ELAPOR1: variants seen among roughly 807,000 people sequenced by gnomAD.
ELAPOR1 encodes the protein endosome/lysosome-associated apoptosis and autophagy regulator 1.
A neutral mutation model predicts 119.7 loss-of-function variants in ELAPOR1; 77 were observed. That is an observed-to-expected ratio of 0.64 (90% CI 0.54 to 0.78). The LOEUF is 0.78. Among genes scored for constraint, ELAPOR1 ranks in the 30% least tolerant of loss-of-function variants. The pLI is 0.00. For synonymous variants in ELAPOR1, 481 were observed against 487.2 expected (o/e 0.99, Z 0.17); for missense variants, 1,115 against 1,270.4 (o/e 0.88, Z 1.86).
At chr1:109,196,170 A>ATAT (rs1316259656) in intron 15 of ELAPOR1, among the ~76,000 whole-genome samples, 3 of 152,168 alleles carry the variant, frequency 2.0e-5, no homozygotes, top group African/African-American at 7.2e-5. Flanking sequence ...AAAAAGTGAC[A>ATAT]ATATAAAGAG....
In ELAPOR1 at chr1:109,204,759, G is replaced by C. The variant is rs1393119047; in HGVS notation, c.*1747G>C. 6.6e-6 allele frequency: 1 copy of C among 152,262 alleles called. No individual in the cohort carries two copies. Among genetic ancestry groups the C allele is most frequent in the Admixed American group, 6.5e-5 (1 of 15,282 alleles). 9.4% of individuals were successfully genotyped at this position (152,262 alleles called of 1,614,324 possible). The stretch of plus-strand genomic sequence containing the variant: ...TCAAACCAGTCTTCAAGGAAGGAAG[G>C]CTAGGAGAGTTTAACAAGATTTTCA... On this transcript the variant is annotated 3_prime_UTR_variant, in exon 22 of 22. Transcript: ENST00000369939.
At position 109,115,617 on chromosome 1, in the gene ELAPOR1, G is replaced by A. The variant is rs572357834; in HGVS notation, c.153+1281G>A. Among the ~76,000 whole-genome samples the A allele has an allele frequency of 3.3e-5, 5 of 152,222 alleles. No homozygotes were observed. The South Asian group carries it at 6.2e-4, about 19-fold the overall frequency. On this transcript the variant is annotated intron_variant, in intron 1 of 21. Coordinates refer to ENST00000369939, the MANE Select transcript of ELAPOR1 (RefSeq NM_020775.5). ...ATAAATTGTTAGTGTGAACTGATTGGCAACAACTCCATCCCATATGGAGAT... is the reference window on the plus strand; with the variant it reads ...ATAAATTGTTAGTGTGAACTGATTGACAACAACTCCATCCCATATGGAGAT...
chr1:109,179,497 G>A (rs1044606355), intron 7 of ELAPOR1, among the ~76,000 whole-genome samples: 1 of 152,116 alleles, frequency 6.6e-6, no homozygotes, highest in Non-Finnish European at 1.5e-5. Flanking sequence ...AGATTAGGTG[G>A]CGAGAAGTTG....
rs915111856 is a variant in ELAPOR1 at position 109,122,327 on chromosome 1, C to G, written c.153+7991C>G. On this transcript the variant is annotated intron_variant, in intron 1 of 21. Transcript: ENST00000369939. ...GTGCTGGGATTACAGGCGTGAGCCA[C>G]TGTGCCCAGCTTCAGATAACCTTTC... 3.4e-5 allele frequency among the ~76,000 whole-genome samples: 5 copies of G among 148,896 alleles called. No individual in the cohort carries two copies. The East Asian group carries it at 9.9e-4, about 29-fold the overall frequency.
intron 21 of ELAPOR1, among the ~76,000 whole-genome samples, chr1:109,201,665 T>C (rs184605838): frequency 4.6e-5 from 7 of 152,282 alleles, no homozygotes; most frequent in Non-Finnish European, 1.0e-4. Flanking sequence ...TTGCTAAGTC[T>C]TGTTTCCTTT....
chr1:109,200,078 G>A lies in ELAPOR1; in HGVS notation c.2648G>A (p.Arg883Gln), dbSNP rs368209139. ...AGIQKTTYVWREPKLCSGGIS... is the reference protein window; with the variant it reads ...AGIQKTTYVWQEPKLCSGGIS... The stretch of plus-strand genomic sequence containing the variant: ...CAACAGAAGACTACTTACGTGTGGC[G>A]AGAACCCAAGCTATGCTCTGGTGGC... The change falls in exon 20 of 22, where the codon CGA becomes CAA. Residue 883 changes from arginine (R) to glutamine (Q), a missense_variant. Arg to Gln is a conservative substitution (Grantham distance 43, BLOSUM62 1). Transcript: ENST00000369939. 1.9e-5 allele frequency: 30 copies of A among 1,614,040 alleles called. No individual in the cohort carries two copies. The highest frequency in any genetic ancestry group is 2.5e-5 in the Non-Finnish European group (30 of 1,180,014).
intron 1 of ELAPOR1, among the ~76,000 whole-genome samples, chr1:109,159,043 G>A (rs200386214): frequency 9.9e-5 from 15 of 151,988 alleles, no homozygotes; most frequent in Middle Eastern, 3.4e-3. Context: ...GATTACAGGC[G>A]CGTGCCACCA....
Position 109,200,807 on chromosome 1 carries a change from C to T in ELAPOR1, c.2880C>T (p.Ser960=), listed in dbSNP as rs371703412. 3.7e-6 allele frequency: 6 copies of T among 1,614,208 alleles called. 1 individual carries two copies. In the Middle Eastern group the frequency reaches 9.9e-4, roughly 266 times the overall value. The change falls in exon 21 of 22, where the codon AGC becomes AGT. Residue 960 remains serine (S), a synonymous_variant. Transcript: ENST00000369939. ...LKDCDLPAAD[S]CAIMEGEDVE... is the part of the protein sequence containing the mutation. ...ACTGTGACCTGCCAGCAGCTGACAG[C>T]TGCGCCATCATGGAAGGCGAGGATG...
rs540701746 is a variant in ELAPOR1 at position 109,165,516 on chromosome 1, G to A, written c.467+825G>A. ...AGGAGAATCGCTTGAACTGGGAAGC[G>A]GAAGTTGCAGTGAGCTGAGATCGCA... On this transcript the variant is annotated intron_variant, in intron 3 of 21. Transcript: ENST00000369939. Among the ~76,000 whole-genome samples the A allele has an allele frequency of 9.2e-5, 14 of 151,528 alleles. No homozygotes were observed. In the East Asian group the frequency reaches 2.5e-3, roughly 27 times the overall value.
chr1:109,135,806 T>C (rs1157752263), intron 1 of ELAPOR1, among the ~76,000 whole-genome samples: 2 of 152,186 alleles, frequency 1.3e-5, no homozygotes, highest in African/African-American at 4.8e-5. Flanking sequence ...TAGAGTTCAT[T>C]GATTCTACAA....
At chr1:109,186,304 G>A (rs987234006) in intron 8 of ELAPOR1, among the ~76,000 whole-genome samples, 7 of 152,172 alleles carry the variant, frequency 4.6e-5, no homozygotes, top group South Asian at 2.1e-4. Flanking sequence ...TGAGGTGCAC[G>A]GAGAAGGATC....
chr1:109,153,681 C>A (rs1650678242), intron 1 of ELAPOR1, among the ~76,000 whole-genome samples: 1 of 151,814 alleles, frequency 6.6e-6, no homozygotes, highest in African/African-American at 2.4e-5. Flanking sequence ...GCTCTGTTGC[C>A]CAGGCTGGAG....
intron 3 of ELAPOR1, among the ~76,000 whole-genome samples, chr1:109,165,784 GC>G (rs1217950731): frequency 7.1e-6 from 1 of 140,424 alleles, no homozygotes; most frequent in Non-Finnish European, 1.5e-5. Context: ...TCACTCTGTC[GC>G]CCAGGCTGGA....
rs200132346 is a variant in ELAPOR1, at chr1:109,188,373, C to T, written c.1219+19C>T. ...GGCTCAGGTAACCTCCTCACCACCC[C>T]ACTCTCTGCAGCACATCGACTGTGT... On this transcript the variant is annotated intron_variant, in intron 9 of 21. Transcript: ENST00000369939. The T allele has an allele frequency of 3.3e-5, 53 of 1,598,414 alleles. No individual in the cohort carries two copies. In the East Asian group the frequency reaches 1.1e-3, roughly 35 times the overall value.
At chr1:109,174,607 A>G (rs1407984069) in intron 7 of ELAPOR1, among the ~76,000 whole-genome samples, 1 of 151,872 alleles carries the variant, frequency 6.6e-6, no homozygotes. Context: ...TAGATGATAC[A>G]TATATAATAA....
chr1:109,118,540 G>A lies in ELAPOR1; in HGVS notation c.153+4204G>A, dbSNP rs542948817. ...CTGAAGATATTACTGAAGTCAAGGA[G>A]GAGGTTAATAAAGGGACTGCACTGG... is the stretch of plus-strand genomic sequence containing the variant. On this transcript the variant is annotated intron_variant, in intron 1 of 21. Transcript: ENST00000369939. Among the ~76,000 whole-genome samples, 3 of 152,280 alleles carry A rather than the reference G, an allele frequency of 2.0e-5. No individual in the cohort carries two copies. The South Asian group carries it at 6.2e-4, about 32-fold the overall frequency.
chr1:109,147,029 C>T (rs991273781), intron 1 of ELAPOR1, among the ~76,000 whole-genome samples: 5 of 151,772 alleles, frequency 3.3e-5, no homozygotes, highest in Admixed American at 6.6e-5. Context: ...CCTCAGCCTC[C>T]GGAATAGCTG....
chr1:109,140,697 T>A (rs1301141748), intron 1 of ELAPOR1, among the ~76,000 whole-genome samples: 1 of 152,180 alleles, frequency 6.6e-6, no homozygotes. Context: ...AGGGCACCGC[T>A]CCTGGCTTGA....
intron 9 of ELAPOR1, 55 bp downstream of exon 9, chr1:109,188,409 T>G: frequency 6.4e-7 from 1 of 1,553,950 alleles, no homozygotes; most frequent in South Asian, 1.2e-5. Flanking sequence ...GGGTGGGCTG[T>G]GTGGGCACTA....
Sources: gnomAD v4.1 joint callset for allele counts (sites outside exome capture counted in the v4.1 genomes callset) on GRCh38, gnomAD v4.1.1 for gene constraint, MANE v1.5 for transcripts, NCBI Gene and HGNC (gene_info 2026-07-23, HGNC 2026-07-21) for gene names.